TPCN2: variants seen among roughly 807,000 people sequenced by gnomAD.
TPCN2 encodes the protein two pore channel protein 2.
In TPCN2, 92 loss-of-function variants were observed where a neutral mutation model predicts 111.4. The observed-to-expected ratio is 0.83, with a 90% confidence interval of 0.70 to 0.98. The LOEUF (loss-of-function observed/expected upper bound fraction) is 0.98. Among genes scored for constraint, TPCN2 ranks in the 50% least tolerant of loss-of-function variants. TPCN2 has a pLI of 0.00. For synonymous variants in TPCN2, 405 were observed against 414.5 expected, an observed-to-expected ratio of 0.98 and a Z score of 0.28; for missense variants, 995 against 980.1, an observed-to-expected ratio of 1.02 and a Z score of -0.20.
chr11:69,057,605 C>G lies in TPCN2; in HGVS notation c.457C>G (p.Gln153Glu). The G allele has an allele frequency of 3.7e-6, 6 of 1,614,206 alleles. No individual in the cohort carries two copies. The highest frequency in any genetic ancestry group is 5.1e-6 in the Non-Finnish European group (6 of 1,180,030). The part of the protein sequence containing the change: ...KGYLFGWAHF[Q>E]KNLWLLGYLV... ...TTACCTGTTCGGGTGGGCCCATTTC[C>G]AGAAAAACCTTTGGCTGCTGGGCTA... Residue 153 changes from glutamine to glutamate, a missense_variant, in exon 5 of 25, where the codon CAG becomes GAG. By Grantham distance (29) the Gln-to-Glu change is conservative. Transcript: ENST00000294309.
At position 69,088,296 on chromosome 11, in the gene TPCN2, G is replaced by A. The variant is rs567879894; in HGVS notation, c.*343G>A. 1.8e-3 allele frequency: 481 copies of A among 272,288 alleles called. 7 individuals carry two copies. The highest frequency in any genetic ancestry group is 0.012 in the South Asian group (221 of 18,188). 16.9% of individuals were successfully genotyped at this position (272,288 alleles called of 1,614,324 possible). On this transcript the variant is annotated 3_prime_UTR_variant, in exon 25 of 25. Coordinates refer to ENST00000294309, the MANE Select transcript of TPCN2 (RefSeq NM_139075.4). ...CAGCTTCCGTGGTGCCTTTGCTGCC[G>A]GCAGCCCTTGGGGACCACAGGCCTG...
In TPCN2 at chr11:69,088,152, C is replaced by T. The variant is rs1856353891; in HGVS notation, c.*199C>T. ...ATCTACAGAACAGCTGCTGGTGCTTCAGGGAGGCGCCGTGCCCTCCGCTTT... is the reference window on the plus strand; with the variant it reads ...ATCTACAGAACAGCTGCTGGTGCTTTAGGGAGGCGCCGTGCCCTCCGCTTT... On this transcript the variant is annotated 3_prime_UTR_variant, in exon 25 of 25. Transcript: ENST00000294309. 8.2e-5 allele frequency: 46 copies of T among 560,854 alleles called. 1 individual carries two copies. The South Asian group carries it at 1.0e-3, about 12-fold the overall frequency. The allele number at this position is 560,854 out of a possible 1,614,324, so 34.7% of individuals were successfully genotyped here.
chr11:69,084,489 C>G (rs905815192), intron 19 of TPCN2, among the ~76,000 whole-genome samples: 1 of 152,220 alleles, frequency 6.6e-6, no homozygotes, highest in African/African-American at 2.4e-5. Flanking sequence ...GCCCCGGCCC[C>G]TCCCTGGGGG....
At position 69,079,826 on chromosome 11, in the gene TPCN2, A is replaced by G. The variant is rs1163010815; in HGVS notation, c.1540-8A>G. On this transcript the variant is annotated splice_region_variant and splice_polypyrimidine_tract_variant and intron_variant, in intron 16 of 24. Coordinates refer to ENST00000294309, the MANE Select transcript of TPCN2 (RefSeq NM_139075.4). ...GTAGCGAAGCCTTCTTTTCTTTTGT[A>G]ATTAAAGGTTTTGGAGATCTCAACT... is the stretch of plus-strand genomic sequence containing the variant. The G allele has an allele frequency of 6.2e-7, 1 of 1,613,160 alleles. No individual in the cohort carries two copies. Among genetic ancestry groups the G allele is most frequent in the Non-Finnish European group, 8.5e-7 (1 of 1,179,610 alleles).
intron 8 of TPCN2, among the ~76,000 whole-genome samples, chr11:69,069,518 C>G (rs545806818): frequency 1.7e-4 from 1 of 5,986 alleles, no homozygotes; most frequent in East Asian, 1.6e-3. Context: ...GCAGTGGGAG[C>G]AGGACCGTCT....
chr11:69,063,522 C>A (rs1274333556), intron 6 of TPCN2, among the ~76,000 whole-genome samples: 2 of 152,126 alleles, frequency 1.3e-5, no homozygotes, highest in African/African-American at 4.8e-5. Context: ...GCCCTCCGCT[C>A]TTGCCAGTGG....
At chr11:69,063,178 C>T (rs560392347) in intron 6 of TPCN2, among the ~76,000 whole-genome samples, 188 bp downstream of exon 6, 1 of 151,902 alleles carries the variant, frequency 6.6e-6, no homozygotes, top group East Asian at 2.0e-4. Flanking sequence ...AGCAGTTCCC[C>T]AGAAGCCTCC....
chr11:69,066,076 A>G (rs1855260247), intron 7 of TPCN2, among the ~76,000 whole-genome samples: 1 of 151,610 alleles, frequency 6.6e-6, no homozygotes, highest in Admixed American at 6.6e-5. Context: ...GGCTCTATGG[A>G]CCTCAGCGTC....
chr11:69,089,631 C>T lies in TPCN2; in HGVS notation c.*1678C>T, dbSNP rs1054234341. 2.6e-5 allele frequency: 4 copies of T among 152,304 alleles called. No homozygotes were observed. The allele number at this position is 152,304 out of a possible 1,614,324, so 9.4% of individuals were successfully genotyped here. A position where few individuals can be genotyped will look rare whatever the true frequency, so the allele number is the denominator to read the frequency against. ...GCAGGGGCTGCCCAATGCAGTTAGC[C>T]TCCTGCTGGTGTTCTCTCTTGTTGC... On this transcript the variant is annotated 3_prime_UTR_variant, in exon 25 of 25. Transcript: ENST00000294309.
At chr11:69,086,489 C>T (rs754054894) in intron 22 of TPCN2, 34 bp from the exon 23 acceptor site, 19 of 1,587,384 alleles carry the variant, frequency 1.2e-5, no homozygotes, top group Admixed American at 5.0e-5. Flanking sequence ...CTTTGCTCAT[C>T]GTGGTTCACA....
In TPCN2 at chr11:69,063,968, G is replaced by A. The variant is rs2134554764; in HGVS notation, c.726+1G>A. 6.2e-7 allele frequency: 1 copy of A among 1,614,034 alleles called. No homozygotes were observed. Among genetic ancestry groups the A allele is most frequent in the East Asian group, 2.2e-5 (1 of 44,886 alleles). On this transcript the variant is annotated splice_donor_variant, in intron 7 of 24. Transcript: ENST00000294309. LOFTEE classifies it high-confidence loss of function. ...AATGCTGCTGTTCGCTGGTGGGAAG[G>A]TAGGGCACCCGTGGTCAGGGTCTGG...
rs930548786 is a variant in TPCN2 at position 69,086,702 on chromosome 11, T to G, written c.2085+98T>G. On this transcript the variant is annotated intron_variant, in intron 23 of 24. Transcript: ENST00000294309. ...CACCGGCCGGGCCTGCCTGGAACTT[T>G]GATGGGAGAGTCGTGCTGGGTTAGG... The G allele has an allele frequency of 4.2e-6, 5 of 1,192,646 alleles. No homozygotes were observed. In the African/African-American group the frequency reaches 7.5e-5, roughly 18 times the overall value. 73.9% of individuals were successfully genotyped at this position (1,192,646 alleles called of 1,614,324 possible).
chr11:69,052,496 C>T (rs1374954567), intron 1 of TPCN2, among the ~76,000 whole-genome samples: 2 of 152,124 alleles, frequency 1.3e-5, no homozygotes, highest in African/African-American at 2.4e-5. Flanking sequence ...CCTGGGGAGA[C>T]ATTCGGGTGT....
intron 13 of TPCN2, among the ~76,000 whole-genome samples, chr11:69,076,039 G>C (rs188216186): frequency 2.0e-5 from 3 of 152,318 alleles, no homozygotes; most frequent in Admixed American, 6.5e-5. Context: ...GGGTTAAACA[G>C]AAAGTGTCAT....
intron 10 of TPCN2, among the ~76,000 whole-genome samples, chr11:69,071,710 C>G (rs558175005): frequency 6.6e-6 from 1 of 152,216 alleles, no homozygotes; most frequent in Non-Finnish European, 1.5e-5. Context: ...CGCAGCACGC[C>G]CGTCAGACTC....
intron 13 of TPCN2, 53 bp downstream of exon 13, chr11:69,073,054 C>A: frequency 7.4e-7 from 1 of 1,354,524 alleles, no homozygotes; most frequent in Non-Finnish European, 1.1e-6. Flanking sequence ...TCCAGTTTCC[C>A]CTGCCCTTGA....
At position 69,072,935 on chromosome 11, in the gene TPCN2, T is replaced by C. The variant is rs1364452170; in HGVS notation, c.1164T>C (p.Ser388=). The C allele has an allele frequency of 1.9e-6, 3 of 1,613,604 alleles. No individual in the cohort carries two copies. The highest frequency in any genetic ancestry group is 2.5e-6 in the Non-Finnish European group (3 of 1,179,568). The stretch of plus-strand genomic sequence containing the variant: ...TGCAGAAGGTGCGTTCCTATGGCAG[T>C]GTTCTGCTCTCAGCTGAGGAGTTTC... ...AMMEKVRSYG[S]VLLSAEEFQK... Residue 388 remains serine, a synonymous_variant, in exon 13 of 25, where the codon AGT becomes AGC. Coordinates refer to ENST00000294309, the MANE Select transcript of TPCN2 (RefSeq NM_139075.4).
At position 69,086,569 on chromosome 11, in the gene TPCN2, A is replaced by C; in HGVS notation, c.2050A>C (p.Ile684Leu). The C allele has an allele frequency of 1.2e-6, 2 of 1,614,036 alleles. No homozygotes were observed. The highest frequency in any genetic ancestry group is 1.7e-6 in the Non-Finnish European group (2 of 1,180,004). ...FVLWWLVSSV[I>L]WVNLFLALIL... ...ATTGTGGTGGCTGGTGTCGTCTGTC[A>C]TCTGGGTCAACCTGTTTCTGGCCCT... Residue 684 changes from isoleucine to leucine, a missense_variant, in exon 23 of 25, where the codon ATC becomes CTC. Ile to Leu is a conservative substitution (Grantham distance 5). Coordinates refer to ENST00000294309, the MANE Select transcript of TPCN2 (RefSeq NM_139075.4).
chr11:69,075,889 G>T (rs532349286), intron 13 of TPCN2, among the ~76,000 whole-genome samples: 1 of 152,172 alleles, frequency 6.6e-6, no homozygotes, highest in Admixed American at 6.5e-5. Flanking sequence ...TCCACCTCAC[G>T]GGCTTTCTAC....
Sources: gnomAD v4.1 joint callset for allele counts (sites outside exome capture counted in the v4.1 genomes callset) on GRCh38, gnomAD v4.1.1 for gene constraint, MANE v1.5 for transcripts, NCBI Gene and HGNC (gene_info 2026-07-23, HGNC 2026-07-21) for gene names.